Variants in NDST4 observed in about 807,000 individuals in gnomAD.
NDST4 encodes N-deacetylase and N-sulfotransferase 4.
NDST4 carries 63 observed loss-of-function variants against 100.8 expected under a neutral mutation model. The ratio of observed to expected loss-of-function variants is 0.62; its 90% confidence interval spans 0.51 to 0.77. The LOEUF is 0.77. Among genes scored for constraint, NDST4 ranks in the 30% least tolerant of loss-of-function variants. The pLI, the probability that NDST4 is intolerant of heterozygous loss-of-function variation, is 0.00. For missense variants in NDST4, 943 were observed against 1,018.4 expected (o/e 0.93, Z 1.01); for synonymous variants, 377 against 361.8 (o/e 1.04, Z -0.48).
At chr4:114,831,418 C>T (rs1444595449) in intron 12 of NDST4, among the ~76,000 whole-genome samples, 2 of 152,128 alleles carry the variant, frequency 1.3e-5, no homozygotes, top group African/African-American at 2.4e-5. Flanking sequence ...CATTAATTTC[C>T]CAAGAGGAAA....
At chr4:114,872,120 T>C (rs907565260) in intron 6 of NDST4, among the ~76,000 whole-genome samples, 1 of 152,012 alleles carries the variant, frequency 6.6e-6, no homozygotes, top group African/African-American at 2.4e-5. Context: ...TTAATTTTAT[T>C]GACACCTGGT....
In NDST4 at chr4:115,077,733, C is replaced by A. The variant is rs557280733; in HGVS notation, c.-246-451G>T. 3.3e-5 allele frequency among the ~76,000 whole-genome samples: 5 copies of A among 152,202 alleles called. No homozygotes were observed. In the South Asian group the frequency reaches 1.0e-3, roughly 32 times the overall value. ...TATCTGCCTGAGTCTCTGGAATTCC[C>A]AGCTGACTAAATAAATCTGTCTTAA... On this transcript the variant is annotated intron_variant, in intron 1 of 13. Coordinates refer to ENST00000264363, the MANE Select transcript of NDST4 (RefSeq NM_022569.3).
intron 7 of NDST4, 87 bp from the exon 8 acceptor site, chr4:114,852,908 T>C: frequency 1.2e-6 from 1 of 856,506 alleles, no homozygotes; most frequent in Non-Finnish European, 1.8e-6. Flanking sequence ...GGAATCAAAT[T>C]CTGGCCTAAT....
intron 12 of NDST4, among the ~76,000 whole-genome samples, chr4:114,832,627 G>A (rs1302549192): frequency 6.6e-6 from 1 of 152,108 alleles, no homozygotes; most frequent in Non-Finnish European, 1.5e-5. Flanking sequence ...CACTGGTGAT[G>A]CTGTCCCACC....
chr4:114,853,526 A>C (rs1723725294), intron 7 of NDST4, among the ~76,000 whole-genome samples: 1 of 152,222 alleles, frequency 6.6e-6, no homozygotes, highest in South Asian at 2.1e-4. Context: ...ATTTATTACC[A>C]AAATCATTAC....
intron 6 of NDST4, among the ~76,000 whole-genome samples, chr4:114,906,448 G>C (rs1397599466): frequency 6.6e-6 from 1 of 151,780 alleles, no homozygotes. Flanking sequence ...GTAACATACT[G>C]TTCACTAAGA....
rs995234693 is a variant in NDST4, at chr4:115,107,332, T to C, written c.-247+6112A>G. 1.3e-5 allele frequency among the ~76,000 whole-genome samples: 2 copies of C among 152,258 alleles called. 1 individual carries two copies. The highest frequency in any genetic ancestry group is 4.1e-4 in the South Asian group (2 of 4,826). On this transcript the variant is annotated intron_variant, in intron 1 of 13. Transcript: ENST00000264363. ...ATTTTCTAAAACTGATTAGTTTTTT[T>C]ACTTTCCAGAGAAAGTGACACTAAA...
chr4:114,987,057 C>T lies in NDST4; in HGVS notation c.979-9783G>A, dbSNP rs1186963818. ...GTCATAGAGTAATAGTGACGTAGAA[C>T]TCAAGCTAGTTAGGATTTCTTTGAA... On this transcript the variant is annotated intron_variant, in intron 2 of 13. Coordinates refer to ENST00000264363, the MANE Select transcript of NDST4 (RefSeq NM_022569.3). Among the ~76,000 whole-genome samples, 5 of 151,684 alleles carry T rather than the reference C, an allele frequency of 3.3e-5. No homozygotes were observed. The South Asian group carries it at 1.0e-3, about 31-fold the overall frequency.
At chr4:114,865,357 C>T (rs543906820) in intron 7 of NDST4, among the ~76,000 whole-genome samples, 40 of 152,226 alleles carry the variant, frequency 2.6e-4, no homozygotes, top group African/African-American at 9.4e-4. Context: ...GCCACTGCAC[C>T]CAGCCAGCTC....
chr4:115,067,606 A>T (rs1215844272), intron 2 of NDST4, among the ~76,000 whole-genome samples: 6 of 151,766 alleles, frequency 4.0e-5, no homozygotes, highest in African/African-American at 1.5e-4. Flanking sequence ...TTTTCTGTTC[A>T]TAACAACCTG....
At chr4:114,939,918 T>A (rs1235323197) in intron 4 of NDST4, among the ~76,000 whole-genome samples, 1 of 152,304 alleles carries the variant, frequency 6.6e-6, no homozygotes, top group East Asian at 1.9e-4. Flanking sequence ...CTAGCAACTC[T>A]TTTGCTATTA....
intron 11 of NDST4, among the ~76,000 whole-genome samples, chr4:114,834,462 C>A (rs1723267321): frequency 7.2e-6 from 1 of 139,424 alleles, no homozygotes; most frequent in Non-Finnish European, 1.5e-5. Flanking sequence ...TGCAGTGAGC[C>A]AAGATCGTGC....
At chr4:114,977,953 T>C (rs1284096767) in intron 2 of NDST4, among the ~76,000 whole-genome samples, 2 of 152,012 alleles carry the variant, frequency 1.3e-5, no homozygotes, top group African/African-American at 4.8e-5. Flanking sequence ...AAAGTCTGGT[T>C]TGTGGACAGG....
At chr4:115,013,841 A>G (rs989047852) in intron 2 of NDST4, among the ~76,000 whole-genome samples, 2 of 152,068 alleles carry the variant, frequency 1.3e-5, no homozygotes, top group African/African-American at 4.8e-5. Flanking sequence ...CTAGGAAAGT[A>G]GTATATCATA....
intron 2 of NDST4, among the ~76,000 whole-genome samples, chr4:115,038,144 G>A (rs2126272782): frequency 6.6e-6 from 1 of 152,232 alleles, no homozygotes; most frequent in African/African-American, 2.4e-5. Context: ...CTCAAATGGG[G>A]TTTTCAATTA....
chr4:114,871,050 A>C, intron 6 of NDST4, 100 bp from the exon 7 acceptor site: 1 of 704,624 alleles, frequency 1.4e-6, no homozygotes, highest in Non-Finnish European at 2.2e-6. Context: ...TTGGAATTTC[A>C]CAAGAAGTAC....
At chr4:114,924,463 A>G (rs780107418) in intron 6 of NDST4, among the ~76,000 whole-genome samples, 5 of 151,948 alleles carry the variant, frequency 3.3e-5, no homozygotes, top group Non-Finnish European at 7.4e-5. Flanking sequence ...AAGGAAAAAA[A>G]AAAAGGTGAC....
rs1261623676 is a variant in NDST4 at position 115,009,156 on chromosome 4, A to C, written c.979-31882T>G. Among the ~76,000 whole-genome samples, 3 of 127,308 alleles carry C rather than the reference A, an allele frequency of 2.4e-5. 1 individual carries two copies. Among genetic ancestry groups the C allele is most frequent in the Admixed American group, 8.0e-5 (1 of 12,464 alleles). 83.5% of individuals were successfully genotyped at this position (127,308 alleles called of 152,430 possible). A position where few individuals can be genotyped will look rare whatever the true frequency, so the allele number is the denominator to read the frequency against. ...TGCCATCCCCATCAAGCTACCAATG[A>C]CTTTCTTCACAGAATTGGAAAAAAC... On this transcript the variant is annotated intron_variant, in intron 2 of 13. Transcript: ENST00000264363.
At chr4:114,897,077 C>T (rs1724731580) in intron 6 of NDST4, among the ~76,000 whole-genome samples, 1 of 152,122 alleles carries the variant, frequency 6.6e-6, no homozygotes, top group African/African-American at 2.4e-5. Flanking sequence ...TACATTGACA[C>T]ATCATTATTA....
Sources: gnomAD v4.1 joint callset for allele counts (sites outside exome capture counted in the v4.1 genomes callset) on GRCh38, gnomAD v4.1.1 for gene constraint, MANE v1.5 for transcripts, NCBI Gene and HGNC (gene_info 2026-07-23, HGNC 2026-07-21) for gene names.